Variants in RTN3 observed in about 807,000 individuals in gnomAD.
The protein encoded by RTN3 is reticulon-3.
A neutral mutation model predicts 77.8 loss-of-function variants in RTN3; 49 were observed. That is an observed-to-expected ratio of 0.63 (90% confidence interval 0.50 to 0.80). The LOEUF (loss-of-function observed/expected upper bound fraction) is 0.80. Among genes scored for constraint, RTN3 ranks in the 30% least tolerant of loss-of-function variants. The pLI, the probability that RTN3 is intolerant of heterozygous loss-of-function variation, is 0.00. For synonymous variants in RTN3, 464 were observed against 446.9 expected, an observed-to-expected ratio of 1.04 and a Z score of -0.48; for missense variants, 1,236 against 1,211.9, an observed-to-expected ratio of 1.02 and a Z score of -0.29.
chr11:63,688,394 TTG>T (rs1432370492), intron 1 of RTN3, among the ~76,000 whole-genome samples: 1 of 152,130 alleles, frequency 6.6e-6, no homozygotes, highest in Non-Finnish European at 1.5e-5. Flanking sequence ...GGCTAATTTT[TTG>T]TGTTTTTAGT....
chr11:63,725,285 ACTT>A (rs1285921231), intron 3 of RTN3, among the ~76,000 whole-genome samples: 2 of 151,712 alleles, frequency 1.3e-5, no homozygotes, highest in Non-Finnish European at 2.9e-5. Context: ...AGGTTTTTAA[ACTT>A]CTTTCATGTT....
chr11:63,683,243 A>C (rs912103721), intron 1 of RTN3, among the ~76,000 whole-genome samples: 1 of 152,206 alleles, frequency 6.6e-6, no homozygotes, highest in African/African-American at 2.4e-5. Flanking sequence ...TGTCTCCTTT[A>C]AACCACCAGC....
rs747706163 is a variant in RTN3, at chr11:63,704,813, G to C, written c.143-38G>C. On this transcript the variant is annotated intron_variant, in intron 1 of 8. Coordinates refer to ENST00000377819, the MANE Select transcript of RTN3 (RefSeq NM_001265589.2). ...AAAGTTAAAGTTAAAATTCCTGTGT[G>C]AGGTTGTCATATTCTCATGCTGTAT... 90 of 1,450,030 alleles carry C rather than the reference G, an allele frequency of 6.2e-5. No individual in the cohort carries two copies. In the East Asian group the frequency reaches 2.0e-3, roughly 33 times the overall value. 89.8% of individuals were successfully genotyped at this position (1,450,030 alleles called of 1,614,324 possible).
chr11:63,723,655 G>A (rs2011991655), intron 3 of RTN3, among the ~76,000 whole-genome samples: 1 of 152,016 alleles, frequency 6.6e-6, no homozygotes, highest in African/African-American at 2.4e-5. Flanking sequence ...TCAAACTCCT[G>A]GCTTCAAGTG....
chr11:63,735,590 C>CTCTCTCTCTCTT (rs1443363883), intron 3 of RTN3, among the ~76,000 whole-genome samples: 1 of 149,384 alleles, frequency 6.7e-6, no homozygotes, highest in Non-Finnish European at 1.5e-5. Flanking sequence ...CTCTCTCTCT[C>CTCTCTCTCTCTT]TCTCTCTCTC....
At chr11:63,688,603 A>T (rs187988791) in intron 1 of RTN3, among the ~76,000 whole-genome samples, 1 of 152,144 alleles carries the variant, frequency 6.6e-6, no homozygotes, top group South Asian at 2.1e-4. Context: ...TAAACAACCA[A>T]TCTACATACA....
chr11:63,738,653 G>A (rs1233484037), intron 3 of RTN3, among the ~76,000 whole-genome samples: 2 of 146,508 alleles, frequency 1.4e-5, no homozygotes, highest in Admixed American at 1.4e-4. Context: ...AAAAAAAGAA[G>A]GTAAAGCTGA....
intron 3 of RTN3, 135 bp downstream of exon 3, chr11:63,721,167 A>G (rs966014581): frequency 5.7e-6 from 4 of 696,438 alleles, no homozygotes; most frequent in Non-Finnish European, 8.9e-6. Context: ...GTATGATGGG[A>G]AAGGCAGATT....
At chr11:63,714,530 CTT>C (rs1173875021) in intron 2 of RTN3, 2 of 147,710 alleles carry the variant, frequency 1.4e-5, no homozygotes, top group African/African-American at 5.1e-5. Flanking sequence ...CTTCTCTTCT[CTT>C]TTCTCTTTCT....
At chr11:63,710,557 C>A (rs963292165) in intron 2 of RTN3, among the ~76,000 whole-genome samples, 1 of 151,982 alleles carries the variant, frequency 6.6e-6, no homozygotes, top group Non-Finnish European at 1.5e-5. Context: ...ACGGGAAGAC[C>A]GCTCCTGCTG....
intron 1 of RTN3, among the ~76,000 whole-genome samples, chr11:63,683,054 C>G (rs1012291583): frequency 3.9e-5 from 6 of 152,060 alleles, no homozygotes; most frequent in African/African-American, 1.2e-4. Context: ...GAAAAAATTT[C>G]TGATCTTAAC....
In RTN3 at chr11:63,733,964, A is replaced by G. The variant is rs148994169; in HGVS notation, c.2530+12932A>G. ...CACACAGACACACATATATATATAC[A>G]CACACACATTCAGTGAGATCCTGTT... On this transcript the variant is annotated intron_variant, in intron 3 of 8. Transcript: ENST00000377819. Among the ~76,000 whole-genome samples the G allele has an allele frequency of 9.3e-3, 1,408 of 152,172 alleles. 15 individuals carry two copies. Among genetic ancestry groups the G allele is most frequent in the African/African-American group, 0.032 (1,320 of 41,506 alleles).
intron 3 of RTN3, among the ~76,000 whole-genome samples, chr11:63,726,783 C>A (rs187973064): frequency 2.2e-4 from 33 of 151,996 alleles, no homozygotes; most frequent in Non-Finnish European, 3.8e-4. Flanking sequence ...ATCGCTTGAA[C>A]CCCTGGGGGT....
intron 3 of RTN3, among the ~76,000 whole-genome samples, chr11:63,740,412 GCTGGGACTA>G (rs1846449009): frequency 6.7e-6 from 1 of 149,666 alleles, no homozygotes; most frequent in Admixed American, 6.7e-5. Context: ...CTCCCAAGTA[GCTGGGACTA>G]CAGGTGCCTG....
chr11:63,693,843 C>T (rs1003132831), intron 1 of RTN3, among the ~76,000 whole-genome samples: 11 of 152,096 alleles, frequency 7.2e-5, no homozygotes, highest in African/African-American at 2.2e-4. Context: ...AGACTCTGGC[C>T]GGGCACAGTG....
At chr11:63,729,250 T>C (rs1041323234) in intron 3 of RTN3, among the ~76,000 whole-genome samples, 11 of 151,996 alleles carry the variant, frequency 7.2e-5, no homozygotes, top group Admixed American at 2.6e-4. Context: ...ATGAAGAGAA[T>C]TGGAAGTGGT....
chr11:63,735,550 T>TCTC (rs2013032879), intron 3 of RTN3, among the ~76,000 whole-genome samples: 1 of 42,686 alleles, frequency 2.3e-5, no homozygotes, highest in Non-Finnish European at 4.2e-5. Context: ...ATTCTAACAT[T>TCTC]TCTCTCTCTC....
chr11:63,728,545 T>A (rs546399166), intron 3 of RTN3, among the ~76,000 whole-genome samples: 1 of 152,104 alleles, frequency 6.6e-6, no homozygotes, highest in Admixed American at 6.6e-5. Context: ...CTATACAGTG[T>A]ATCGTAGTCA....
At chr11:63,682,041 A>C (rs1320613522) in intron 1 of RTN3, among the ~76,000 whole-genome samples, 3 of 152,254 alleles carry the variant, frequency 2.0e-5, no homozygotes, top group Non-Finnish European at 4.4e-5. Context: ...AAGACTGGGC[A>C]GGTGGGGAAA....
Sources: allele counts gnomAD v4.1 joint callset (sites outside exome capture counted in the v4.1 genomes callset), GRCh38; gene constraint gnomAD v4.1.1; transcripts MANE v1.5; gene names NCBI Gene and HGNC (gene_info 2026-07-23, HGNC 2026-07-21).